HSPBP1: variants seen among roughly 807,000 people sequenced by gnomAD.
HSPBP1 encodes HSPA (Hsp70) binding protein 1, also known as hsp70-binding protein 1.
A neutral mutation model predicts 41.7 loss-of-function variants in HSPBP1; 31 were observed. The observed-to-expected ratio is 0.74, with a 90% CI of 0.56 to 1.00. The LOEUF is 1.00. Among genes scored for constraint, HSPBP1 ranks in the 50% least tolerant of loss-of-function variants. The probability of loss-of-function intolerance (pLI) is 0.00; values close to 1 mark genes in which losing one functional copy is unlikely to be tolerated. For synonymous variants in HSPBP1, 199 were observed against 214.4 expected (o/e 0.93, Z 0.63); for missense variants, 439 against 487.9 (o/e 0.90, Z 0.94).
rs566693269 is a variant in HSPBP1 at position 55,272,426 on chromosome 19, G to A, written c.640+1972C>T. Among the ~76,000 whole-genome samples the A allele has an allele frequency of 2.6e-4, 39 of 152,282 alleles. No homozygotes were observed. Among genetic ancestry groups the A allele is most frequent in the Non-Finnish European group, 5.1e-4 (35 of 68,024 alleles). ...GGGATTCCGTTTGTACAAATGTCCC[G>A]GAGAGGGAAATCCTTAGAGGCAGTA... On this transcript the variant is annotated intron_variant, in intron 4 of 7. Transcript: ENST00000433386. The surrounding 1 kb of genome is among the most constrained non-coding windows in gnomAD (Gnocchi z 4.2).
chr19:55,262,795 C>G, intron 7 of HSPBP1, 113 bp from the exon 8 acceptor site: 2 of 882,872 alleles, frequency 2.3e-6, no homozygotes, highest in Middle Eastern at 4.4e-4. Flanking sequence ...ACCACCCACT[C>G]CCCCCCACCA....
intron 1 of HSPBP1, 144 bp from the exon 2 acceptor site, chr19:55,279,846 T>C: frequency 1.1e-6 from 1 of 915,468 alleles, no homozygotes; most frequent in South Asian, 1.5e-5. Context: ...CTCTCCTTTC[T>C]CCCTAGCAAC....
intron 4 of HSPBP1, among the ~76,000 whole-genome samples, chr19:55,266,932 C>T (rs1281731512): frequency 6.6e-6 from 1 of 152,162 alleles, no homozygotes; most frequent in Non-Finnish European, 1.5e-5. Context: ...CTGTCCCAGA[C>T]ATTTAATATA....
chr19:55,273,675 C>T (rs957165517), intron 4 of HSPBP1, among the ~76,000 whole-genome samples: 2 of 152,154 alleles, frequency 1.3e-5, no homozygotes, highest in African/African-American at 4.8e-5. Flanking sequence ...CCAGCTCTGC[C>T]CTATGGAGCT....
chr19:55,271,901 G>A (rs529515924), intron 4 of HSPBP1, among the ~76,000 whole-genome samples: 20 of 151,974 alleles, frequency 1.3e-4, no homozygotes, highest in Non-Finnish European at 2.4e-4. Flanking sequence ...TGTACTAAAA[G>A]TACAAAAAAA....
rs1162884011 is a variant in HSPBP1 at position 55,274,531 on chromosome 19, G to A, written c.507C>T (p.Ile169=). ...AGLRWRAAQL[I]GTCSQNVAAI... ...CTGCCACGTTCTGACTGCACGTGCC[G>A]ATGAGCTGTGCCGCCCGCCACCGCA... Residue 169 remains isoleucine, a synonymous_variant, in exon 4 of 8, where the codon ATC becomes ATT. Transcript: ENST00000433386. 59 of 1,608,020 alleles carry A rather than the reference G, an allele frequency of 3.7e-5. No individual in the cohort carries two copies. Among genetic ancestry groups the A allele is most frequent in the Admixed American group, 1.2e-4 (7 of 59,780 alleles).
intron 6 of HSPBP1, 76 bp from the exon 7 acceptor site, chr19:55,265,465 T>G: frequency 1.8e-6 from 2 of 1,106,066 alleles, no homozygotes; most frequent in Non-Finnish European, 2.8e-6. Flanking sequence ...GCCCGCCCCG[T>G]CCCCTGGCTC....
At chr19:55,271,703 G>A (rs564020046) in intron 4 of HSPBP1, among the ~76,000 whole-genome samples, 17 of 152,338 alleles carry the variant, frequency 1.1e-4, no homozygotes, top group Non-Finnish European at 1.8e-4. Context: ...GAGAGAAAGA[G>A]GGTGTTGGAC....
chr19:55,279,935 T>G (rs2088188036), intron 1 of HSPBP1, 100 bp downstream of exon 1: 1 of 449,412 alleles, frequency 2.2e-6, no homozygotes, highest in East Asian at 4.9e-5. Context: ...GCAACCTCAC[T>G]GCTCCGCCTC....
chr19:55,279,645 G>C lies in HSPBP1; in HGVS notation c.-37C>G, dbSNP rs758074396. On this transcript the variant is annotated 5_prime_UTR_variant, in exon 2 of 8. Coordinates refer to ENST00000433386, the MANE Select transcript of HSPBP1 (RefSeq NM_012267.5). ...GAAGAAGGGAAGAATGTGTTAGAGG[G>C]AGAAGGTGGTCACCGCTGAAGCAGC... 6.4e-7 allele frequency: 1 copy of C among 1,553,902 alleles called. No individual in the cohort carries two copies. The highest frequency in any genetic ancestry group is 1.2e-5 in the South Asian group (1 of 84,882).
rs938518163 is a variant in HSPBP1, at chr19:55,280,038, C to T, written c.-98G>A. The T allele has an allele frequency of 1.0e-4, 26 of 253,808 alleles. No homozygotes were observed. Among genetic ancestry groups the T allele is most frequent in the Middle Eastern group, 1.4e-3 (1 of 696 alleles). The allele number at this position is 253,808 out of a possible 1,614,324, so 15.7% of individuals were successfully genotyped here. On this transcript the variant is annotated 5_prime_UTR_variant, in exon 1 of 8. Coordinates refer to ENST00000433386, the MANE Select transcript of HSPBP1 (RefSeq NM_012267.5). ...GCCGGAATAAGGCGGATCTCACCTCCCCGGGTCCTCAAGCCGCCGCTGCTC... is the reference window on the plus strand; with the variant it reads ...GCCGGAATAAGGCGGATCTCACCTCTCCGGGTCCTCAAGCCGCCGCTGCTC...
At chr19:55,276,099 T>C (rs1386748142) in intron 3 of HSPBP1, among the ~76,000 whole-genome samples, 2 of 105,380 alleles carry the variant, frequency 1.9e-5, no homozygotes, top group African/African-American at 8.3e-5. Flanking sequence ...CCTGGGAGAC[T>C]GACTCAAAAA....
At chr19:55,274,861 T>G (rs527874244) in intron 3 of HSPBP1, among the ~76,000 whole-genome samples, 63 of 152,078 alleles carry the variant, frequency 4.1e-4, no homozygotes, top group Non-Finnish European at 7.6e-4. Context: ...AGGGACAACA[T>G]GGAGGGAGGA....
intron 4 of HSPBP1, among the ~76,000 whole-genome samples, chr19:55,271,095 T>G (rs971524715): frequency 4.6e-5 from 7 of 152,174 alleles, no homozygotes; most frequent in Admixed American, 6.5e-5. Context: ...CAGAAACAGG[T>G]ATAACAGTGG....
chr19:55,277,517 A>G, intron 3 of HSPBP1, 125 bp downstream of exon 3: 1 of 980,968 alleles, frequency 1.0e-6, no homozygotes, highest in East Asian at 2.6e-5. Context: ...ATGGAGGCGA[A>G]CAGGCTGATG....
intron 7 of HSPBP1, among the ~76,000 whole-genome samples, chr19:55,263,558 C>T (rs1017439372): frequency 5.3e-5 from 8 of 152,130 alleles, no homozygotes; most frequent in South Asian, 2.1e-4. Context: ...TTTGTCATAG[C>T]GAGAGTGTAG....
In HSPBP1 at chr19:55,270,198, C is replaced by G. The variant is rs1038838204; in HGVS notation, c.641-3912G>C. On this transcript the variant is annotated intron_variant, in intron 4 of 7. Transcript: ENST00000433386. The surrounding 1 kb of genome is among the most constrained non-coding windows in gnomAD (Gnocchi z 5.4). ...AGCAAAAAAAAGAATGGCATCCAAGCTCCCAGAGCTCTTGCCCTGCATCGT... is the reference window on the plus strand; with the variant it reads ...AGCAAAAAAAAGAATGGCATCCAAGGTCCCAGAGCTCTTGCCCTGCATCGT... Among the ~76,000 whole-genome samples the G allele has an allele frequency of 1.3e-5, 2 of 152,256 alleles. No homozygotes were observed. The highest frequency in any genetic ancestry group is 4.8e-5 in the African/African-American group (2 of 41,476).
In HSPBP1 at chr19:55,277,791, T is replaced by C; in HGVS notation, c.266A>G (p.Glu89Gly). The change falls in exon 3 of 8, where the codon GAG becomes GGG. Residue 89 changes from glutamate (E) to glycine (G), a missense_variant. Coordinates refer to ENST00000433386, the MANE Select transcript of HSPBP1 (RefSeq NM_012267.5). ...GAGGCAGCTCTTCATCTGCTCCACC[T>C]CCTCCCGCTGGCCTCGGAAGGCAGC... is the stretch of plus-strand genomic sequence containing the variant. Reference protein sequence around the residue: ...MSAAFRGQREEVEQMKSCLRV... With the variant: ...MSAAFRGQREGVEQMKSCLRV... 1 of 1,597,896 alleles carries C rather than the reference T, an allele frequency of 6.3e-7. No individual in the cohort carries two copies. Among genetic ancestry groups the C allele is most frequent in the Non-Finnish European group, 8.5e-7 (1 of 1,170,380 alleles).
intron 4 of HSPBP1, among the ~76,000 whole-genome samples, chr19:55,271,088 A>G (rs1375967326): frequency 1.3e-5 from 2 of 152,218 alleles, no homozygotes; most frequent in Non-Finnish European, 2.9e-5. Flanking sequence ...CTGGAAGCAG[A>G]AACAGGTATA....
Sources: allele counts gnomAD v4.1 joint callset (sites outside exome capture counted in the v4.1 genomes callset), GRCh38; gene constraint gnomAD v4.1.1; non-coding constraint Gnocchi (gnomAD v3.1); transcripts MANE v1.5; gene names NCBI Gene and HGNC (gene_info 2026-07-23, HGNC 2026-07-21).